Variants in YJU2 observed in about 807,000 individuals in gnomAD.
The protein encoded by YJU2 is YJU2 splicing factor homolog.
In YJU2, 28 loss-of-function variants were observed where a neutral mutation model predicts 39.6. The ratio of observed to expected loss-of-function variants is 0.71; its 90% CI spans 0.52 to 0.97. The LOEUF is 0.97. YJU2 is among the 50% of genes least tolerant of loss of function. YJU2 has a pLI of 0.00. For missense variants in YJU2, 328 were observed against 430.4 expected, an observed-to-expected ratio of 0.76 and a Z score of 2.11; for synonymous variants, 184 against 182.4, an observed-to-expected ratio of 1.01 and a Z score of -0.07.
In YJU2 at chr19:4,268,568, C is replaced by T. The variant is rs1257316082; in HGVS notation, c.860-16C>T. ...GCTGTGGAGCTGAGATGAGCTAACT[C>T]TCGCTCTCCCACCAGGAGCCCCGCA... On this transcript the variant is annotated splice_polypyrimidine_tract_variant and intron_variant, in intron 7 of 7. Transcript: ENST00000262962. 1 of 1,583,066 alleles carries T rather than the reference C, an allele frequency of 6.3e-7. No individual in the cohort carries two copies. Among genetic ancestry groups the T allele is most frequent in the Admixed American group, 1.7e-5 (1 of 57,920 alleles).
chr19:4,257,726 G>A lies in YJU2; in HGVS notation c.406-516G>A, dbSNP rs376936823. Among the ~76,000 whole-genome samples the A allele has an allele frequency of 2.4e-3, 367 of 151,994 alleles. 1 individual carries two copies. The highest frequency in any genetic ancestry group is 4.2e-3 in the Non-Finnish European group (283 of 67,952). ...TGACCTCAAGTGATCTGTCTGCCTC[G>A]GCCTCCCAAAGTGCTGGGATTACAG... On this transcript the variant is annotated intron_variant, in intron 4 of 7. Transcript: ENST00000262962.
At position 4,268,756 on chromosome 19, in the gene YJU2, G is replaced by A. The variant is rs1244367682; in HGVS notation, c.*60G>A. 10 of 1,236,684 alleles carry A rather than the reference G, an allele frequency of 8.1e-6. No individual in the cohort carries two copies. Among genetic ancestry groups the A allele is most frequent in the Middle Eastern group, 3.7e-4 (2 of 5,372 alleles). 76.6% of individuals were successfully genotyped at this position (1,236,684 alleles called of 1,614,324 possible). A position where few individuals can be genotyped will look rare whatever the true frequency, so the allele number is the denominator to read the frequency against. ...CACGTCCAGCTTCAGCCACATTGAG[G>A]CCAGCATTGCTGGTGGTCAGGGCAG... On this transcript the variant is annotated 3_prime_UTR_variant, in exon 8 of 8. Coordinates refer to ENST00000262962, the MANE Select transcript of YJU2 (RefSeq NM_018074.6).
At chr19:4,250,927 GA>G in intron 2 of YJU2, 99 bp from the exon 3 acceptor site, 1 of 1,375,704 alleles carries the variant, frequency 7.3e-7, no homozygotes, top group Non-Finnish European at 1.0e-6. Context: ...CCCGTTGCTG[GA>G]GGCAAGCAAG....
chr19:4,266,772 G>A (rs1404013175), intron 6 of YJU2, among the ~76,000 whole-genome samples: 1 of 152,162 alleles, frequency 6.6e-6, no homozygotes, highest in East Asian at 1.9e-4. Flanking sequence ...GCTTGAGCCA[G>A]GAGTTTGAGA....
intron 4 of YJU2, among the ~76,000 whole-genome samples, 170 bp from the exon 5 acceptor site, chr19:4,258,072 C>T (rs1971037023): frequency 6.6e-6 from 1 of 152,234 alleles, no homozygotes; most frequent in Non-Finnish European, 1.5e-5. Context: ...TGAGTGTTCT[C>T]ACCTGTGAAA....
intron 4 of YJU2, 136 bp downstream of exon 4, chr19:4,254,625 G>GTA (rs1484277085): frequency 2.3e-6 from 3 of 1,312,134 alleles, no homozygotes; most frequent in Non-Finnish European, 3.1e-6. Flanking sequence ...AAAACTTTAA[G>GTA]ATGTCCCCAG....
chr19:4,250,624 A>G (rs1288333205), intron 2 of YJU2, among the ~76,000 whole-genome samples: 1 of 152,046 alleles, frequency 6.6e-6, no homozygotes, highest in Non-Finnish European at 1.5e-5. Context: ...GCAGGATCAG[A>G]CAGGAGGCGG....
chr19:4,263,635 C>T (rs1047593894), intron 6 of YJU2, among the ~76,000 whole-genome samples: 6 of 151,772 alleles, frequency 4.0e-5, no homozygotes, highest in African/African-American at 1.5e-4. Flanking sequence ...CATGGAGAAA[C>T]CCTGTCTCTA....
At chr19:4,249,408 C>T (rs1050470815) in intron 2 of YJU2, 80 bp downstream of exon 2, 30 of 890,358 alleles carry the variant, frequency 3.4e-5, no homozygotes, top group African/African-American at 1.5e-4. Context: ...GTGACTCGTC[C>T]GGTGTTAAGA....
intron 2 of YJU2, 142 bp downstream of exon 2, chr19:4,249,470 C>T (rs998652246): frequency 6.8e-6 from 4 of 588,520 alleles, no homozygotes; most frequent in East Asian, 5.8e-5. Flanking sequence ...ACCATTCCAA[C>T]CCTCCTTCGC....
intron 6 of YJU2, among the ~76,000 whole-genome samples, chr19:4,266,962 C>A (rs1362748579): frequency 2.0e-5 from 3 of 152,052 alleles, no homozygotes; most frequent in Non-Finnish European, 2.9e-5. Flanking sequence ...GTGAGACCTT[C>A]CCCCCAAAAA....
chr19:4,247,464 C>T, intron 1 of YJU2: 1 of 293,734 alleles, frequency 3.4e-6, no homozygotes, highest in Non-Finnish European at 6.4e-6. Context: ...GCGGGGCTTC[C>T]TTAAATGCTG....
intron 3 of YJU2, among the ~76,000 whole-genome samples, chr19:4,252,086 G>A (rs1970981699): frequency 1.3e-5 from 2 of 152,146 alleles, no homozygotes; most frequent in African/African-American, 4.8e-5. Flanking sequence ...AGGAAAGACT[G>A]AAGATAACTT....
At chr19:4,259,225 T>C (rs1281150653) in intron 5 of YJU2, among the ~76,000 whole-genome samples, 1 of 149,098 alleles carries the variant, frequency 6.7e-6, no homozygotes, top group Non-Finnish European at 1.5e-5. Flanking sequence ...ATTAGAGGCA[T>C]CCGCCACCAA....
intron 6 of YJU2, among the ~76,000 whole-genome samples, chr19:4,266,501 C>G (rs569467676): frequency 2.4e-4 from 36 of 152,274 alleles, no homozygotes; most frequent in African/African-American, 8.4e-4. Context: ...GACGCCCTTC[C>G]TCTGAGAAGC....
chr19:4,254,415 G>A lies in YJU2; in HGVS notation c.331G>A (p.Glu111Lys). 1 of 1,613,812 alleles carries A rather than the reference G, an allele frequency of 6.2e-7. No individual in the cohort carries two copies. Among genetic ancestry groups the A allele is most frequent in the Non-Finnish European group, 8.5e-7 (1 of 1,179,874 alleles). The change falls in exon 4 of 8, where the codon GAG (glutamate) becomes AAG (lysine). Residue 111 changes from glutamate (E) to lysine (K), a missense_variant. By Grantham distance (56) the Glu-to-Lys change is moderately conservative. Coordinates refer to ENST00000262962, the MANE Select transcript of YJU2 (RefSeq NM_018074.6). ...TGGAGCCACGCGGAATTTCCAGGCT[G>A]AGAAGCTCCTGGAGGAGGAGGAGAA... ...EHGATRNFQA[E>K]KLLEEEEKRV...
At chr19:4,263,073 CA>C (rs748864015) in intron 6 of YJU2, among the ~76,000 whole-genome samples, 16,183 of 106,260 alleles carry the variant, frequency 0.15, 690 homozygotes, top group Non-Finnish European at 0.18. Context: ...GACTCTGTCT[CA>C]AAAAAAAAAA....
chr19:4,247,485 T>A, intron 1 of YJU2: 1 of 270,962 alleles, frequency 3.7e-6, no homozygotes, highest in Non-Finnish European at 7.1e-6. Flanking sequence ...GCGGCCGTGT[T>A]TTGCCCTCTT....
chr19:4,263,913 A>G (rs1971093079), intron 6 of YJU2, among the ~76,000 whole-genome samples: 1 of 151,674 alleles, frequency 6.6e-6, no homozygotes, highest in Admixed American at 6.6e-5. Flanking sequence ...TGGTTTGTTC[A>G]TTGAAGAAGG....
Sources: allele counts gnomAD v4.1 joint callset (sites outside exome capture counted in the v4.1 genomes callset), GRCh38; gene constraint gnomAD v4.1.1; transcripts MANE v1.5; gene names NCBI Gene and HGNC (gene_info 2026-07-23, HGNC 2026-07-21).